CLASP1: variants seen among roughly 807,000 people sequenced by gnomAD.
The protein encoded by CLASP1 is cytoplasmic linker associated protein 1, also known as CLIP-associating protein 1.
A neutral mutation model predicts 192.3 loss-of-function variants in CLASP1; 38 were observed. The observed-to-expected ratio is 0.20, with a 90% CI of 0.15 to 0.26. The LOEUF is 0.26. CLASP1 is among the 10% of genes least tolerant of loss of function. The pLI is 1.00. For synonymous variants in CLASP1, 691 were observed against 712.8 expected (o/e 0.97, Z 0.49); for missense variants, 1,433 against 1,932.5 (o/e 0.74, Z 4.85).
At chr2:121,434,616 TTC>T (rs778049528) in intron 19 of CLASP1, among the ~76,000 whole-genome samples, 1 of 152,234 alleles carries the variant, frequency 6.6e-6, no homozygotes, top group Non-Finnish European at 1.5e-5. Flanking sequence ...TAATTTATTA[TTC>T]TTAACAGTTA....
At chr2:121,372,232 G>A (rs576598522) in intron 34 of CLASP1, among the ~76,000 whole-genome samples, 2 of 152,218 alleles carry the variant, frequency 1.3e-5, no homozygotes, top group Admixed American at 1.3e-4. Flanking sequence ...TTTGCAGCAT[G>A]GCCCCTTTGG....
At chr2:121,478,801 CACACACACA>C (rs2092124633) in intron 8 of CLASP1, among the ~76,000 whole-genome samples, 1 of 22,880 alleles carries the variant, frequency 4.4e-5, no homozygotes, top group Non-Finnish European at 1.1e-4. Flanking sequence ...CACCACACAC[CACACACACA>C]CCCCACACAC....
At chr2:121,532,870 T>A (rs1171008051) in intron 2 of CLASP1, among the ~76,000 whole-genome samples, 1 of 152,220 alleles carries the variant, frequency 6.6e-6, no homozygotes, top group African/African-American at 2.4e-5. Context: ...AATTTTTCTG[T>A]AAAAAAGTTT....
chr2:121,409,283 T>C (rs2077350726), intron 24 of CLASP1, among the ~76,000 whole-genome samples: 1 of 152,234 alleles, frequency 6.6e-6, no homozygotes, highest in Non-Finnish European at 1.5e-5. Context: ...GCTGTAATTC[T>C]TTGCTAAAAC....
At chr2:121,645,816 G>A (rs1387608729) in intron 1 of CLASP1, among the ~76,000 whole-genome samples, 1 of 152,152 alleles carries the variant, frequency 6.6e-6, no homozygotes, top group Admixed American at 6.5e-5. Flanking sequence ...GGTGGGATGA[G>A]GACTGTCATA....
chr2:121,636,169 T>A (rs572327335), intron 1 of CLASP1, among the ~76,000 whole-genome samples: 1 of 151,398 alleles, frequency 6.6e-6, no homozygotes, highest in African/African-American at 2.4e-5. Flanking sequence ...AAACCCGGTC[T>A]CTACTAAAAA....
chr2:121,609,376 G>A (rs554111283), intron 1 of CLASP1, among the ~76,000 whole-genome samples: 2 of 152,254 alleles, frequency 1.3e-5, no homozygotes, highest in South Asian at 2.1e-4. Context: ...TCCTATCAAC[G>A]AAATGCAAAG....
intron 34 of CLASP1, among the ~76,000 whole-genome samples, chr2:121,370,052 G>A (rs1461313519): frequency 6.6e-6 from 1 of 152,150 alleles, no homozygotes; most frequent in African/African-American, 2.4e-5. Context: ...ATATAAGTCT[G>A]CTGTATTTCT....
chr2:121,572,616 G>A (rs192860785), intron 2 of CLASP1, among the ~76,000 whole-genome samples: 187 of 152,110 alleles, frequency 1.2e-3, no homozygotes, highest in African/African-American at 4.3e-3. Flanking sequence ...AGTTAGGACC[G>A]AGGGCAGTGG....
chr2:121,542,360 G>A (rs1275726321), intron 2 of CLASP1, among the ~76,000 whole-genome samples: 1 of 152,338 alleles, frequency 6.6e-6, no homozygotes, highest in East Asian at 1.9e-4. Flanking sequence ...TTTAAAAACA[G>A]GACTGTGCCC....
chr2:121,603,900 T>C (rs1206611377), intron 2 of CLASP1, among the ~76,000 whole-genome samples: 1 of 152,188 alleles, frequency 6.6e-6, no homozygotes, highest in Non-Finnish European at 1.5e-5. Flanking sequence ...GAAGAGACGA[T>C]AGCAGAGGCT....
chr2:121,592,743 C>A (rs2062565483), intron 2 of CLASP1, among the ~76,000 whole-genome samples: 1 of 152,146 alleles, frequency 6.6e-6, no homozygotes, highest in Non-Finnish European at 1.5e-5. Context: ...GCTCTGCCCC[C>A]CAGGGTTCAC....
intron 30 of CLASP1, among the ~76,000 whole-genome samples, chr2:121,389,964 C>A (rs1436774942): frequency 6.6e-6 from 1 of 152,204 alleles, no homozygotes; most frequent in Non-Finnish European, 1.5e-5. Context: ...GCCTCGAACT[C>A]CTGTGCTCCA....
At chr2:121,425,297 C>T (rs767923805) in exon 22 of CLASP1, 12 of 1,611,276 alleles carry the variant, frequency 7.4e-6, no homozygotes, top group Non-Finnish European at 1.0e-5. Context: ...GGAACTTGAC[C>T]GGCTGCCAGC....
intron 2 of CLASP1, among the ~76,000 whole-genome samples, chr2:121,562,305 G>C (rs892835619): frequency 6.6e-6 from 1 of 152,218 alleles, no homozygotes; most frequent in Admixed American, 6.5e-5. Flanking sequence ...ACAAACATGT[G>C]CTGAAGGATT....
chr2:121,407,686 C>T (rs755617735), exon 25 of CLASP1: 41 of 1,613,802 alleles, frequency 2.5e-5, no homozygotes, highest in Middle Eastern at 1.6e-4. Context: ...ACATCCCATA[C>T]GGCTCATATC....
intron 7 of CLASP1, among the ~76,000 whole-genome samples, chr2:121,504,175 T>C (rs867874350): frequency 6.7e-6 from 1 of 150,098 alleles, no homozygotes; most frequent in Middle Eastern, 3.5e-3. Context: ...GAGGCTGCAA[T>C]GAGCCGAGAC....
At chr2:121,605,945 A>C in exon 2 of CLASP1, 1 of 1,538,310 alleles carries the variant, frequency 6.5e-7, no homozygotes, top group Non-Finnish European at 8.9e-7. Context: ...AGTCACGATG[A>C]CTCCCTCCCA....
At chr2:121,478,627 ACATACACACACACACACCCCC>A (rs2091952218) in intron 8 of CLASP1, among the ~76,000 whole-genome samples, 2 of 117,500 alleles carry the variant, frequency 1.7e-5, no homozygotes, top group Non-Finnish European at 3.5e-5. Context: ...CCACACACAC[ACATACACACACACACACCCCC>A]CACACACACA....
Sources: allele counts gnomAD v4.1 joint callset (sites outside exome capture counted in the v4.1 genomes callset), GRCh38; gene constraint gnomAD v4.1.1; transcripts MANE v1.5; gene names NCBI Gene and HGNC (gene_info 2026-07-23, HGNC 2026-07-21).